The following ZNF778 variants were observed in gnomAD, a reference collection of about 807,000 sequenced individuals.
ZNF778 encodes zinc finger protein 778.
In ZNF778, 37 loss-of-function variants were observed where a neutral mutation model predicts 23.9. That is an observed-to-expected ratio of 1.54 (90% CI 1.19 to 2.03). The LOEUF (loss-of-function observed/expected upper bound fraction) is 2.03, where lower values mean the gene tolerates loss of function less well. Ranked by LOEUF, ZNF778 falls within the 30% of genes most tolerant of loss-of-function variation. The pLI is 0.00. For synonymous variants in ZNF778, 483 were observed against 343.9 expected (o/e 1.40, Z -4.48); for missense variants, 1,297 against 934.4 (o/e 1.39, Z -5.06).
intron 1 of ZNF778, among the ~76,000 whole-genome samples, chr16:89,219,672 C>T (rs1172686199): frequency 6.6e-6 from 1 of 152,258 alleles, no homozygotes; most frequent in Non-Finnish European, 1.5e-5. Flanking sequence ...GACGCTGTGT[C>T]AGTGGGTCTG....
Position 89,229,184 on chromosome 16 carries a change from C to T in ZNF778, c.*622C>T, listed in dbSNP as rs12919792. The T allele has an allele frequency of 1.0e-6, 1 of 985,872 alleles. No individual in the cohort carries two copies. The highest frequency in any genetic ancestry group is 1.2e-6 in the Non-Finnish European group (1 of 830,284). 61.1% of individuals were successfully genotyped at this position (985,872 alleles called of 1,614,324 possible). A position where few individuals can be genotyped will look rare whatever the true frequency, so the allele number is the denominator to read the frequency against. On this transcript the variant is annotated 3_prime_UTR_variant, in exon 7 of 7. Coordinates refer to ENST00000433976, the MANE Select transcript of ZNF778 (RefSeq NM_001201407.2). ...CCTGGCTAACAGTAGGCCTTGAGGA[C>T]TCAGATGTGATCCTGTGTGAGCAGT...
intron 1 of ZNF778, among the ~76,000 whole-genome samples, chr16:89,219,148 C>G (rs545911938): frequency 6.6e-5 from 10 of 152,214 alleles, no homozygotes; most frequent in African/African-American, 2.4e-4. Flanking sequence ...AGGTCATCCA[C>G]TGTCTACTTT....
chr16:89,221,168 G>T lies in ZNF778; in HGVS notation c.25+16G>T, dbSNP rs1476348467. On this transcript the variant is annotated intron_variant, in intron 2 of 6. Transcript: ENST00000433976. ...CTGGCCCACGGTAAGTCCTGGTGGG[G>T]CTCCTTCTCAGAGCCTCTGCTCTAG... The T allele has an allele frequency of 1.9e-6, 3 of 1,555,262 alleles. No individual in the cohort carries two copies. The highest frequency in any genetic ancestry group is 2.7e-5 in the African/African-American group (2 of 72,902).
intron 1 of ZNF778, among the ~76,000 whole-genome samples, chr16:89,219,114 TA>T (rs1286377235): frequency 6.7e-6 from 1 of 148,534 alleles, no homozygotes; most frequent in African/African-American, 2.4e-5. Context: ...CTCAAAAAAA[TA>T]AAAAAATAAA....
rs1018522747 is a variant in ZNF778, at chr16:89,228,677, A to G, written c.*115A>G. 1.8e-5 allele frequency: 27 copies of G among 1,476,830 alleles called. No homozygotes were observed. The South Asian group carries it at 1.9e-4, about 10-fold the overall frequency. The allele number at this position is 1,476,830 out of a possible 1,614,324, so 91.5% of individuals were successfully genotyped here. A position where few individuals can be genotyped will look rare whatever the true frequency, so the allele number is the denominator to read the frequency against. ...AATGTGGCTAGGCAATCAGCATCTC[A>G]TCACAACCCGGCAGGCAGGAACTCA... is the stretch of plus-strand genomic sequence containing the variant. On this transcript the variant is annotated 3_prime_UTR_variant, in exon 7 of 7. Transcript: ENST00000433976.
At chr16:89,224,606 G>A (rs573351459) in intron 4 of ZNF778, 113 bp from the exon 5 acceptor site, 352 of 759,788 alleles carry the variant, frequency 4.6e-4, no homozygotes, top group South Asian at 9.5e-4. Flanking sequence ...GCAACAGCGC[G>A]AGACGCTGTC....
intron 3 of ZNF778, among the ~76,000 whole-genome samples, chr16:89,222,947 G>A (rs1032067025): frequency 1.9e-5 from 2 of 105,656 alleles, no homozygotes; most frequent in South Asian, 3.3e-4. Context: ...CAGGGCACGC[G>A]TGACTGGAGG....
chr16:89,226,517 A>G (rs2031485288), intron 6 of ZNF778, among the ~76,000 whole-genome samples, 177 bp from the exon 7 acceptor site: 1 of 152,192 alleles, frequency 6.6e-6, no homozygotes, highest in African/African-American at 2.4e-5. Flanking sequence ...ATGGCACAGG[A>G]TTCTTGCAGT....
At chr16:89,222,003 T>G in intron 2 of ZNF778, 89 bp from the exon 3 acceptor site, 1 of 874,778 alleles carries the variant, frequency 1.1e-6, no homozygotes, top group Non-Finnish European at 1.8e-6. Context: ...GATAATTTCC[T>G]GCTAGGATGG....
rs1275878621 is a variant in ZNF778 at position 89,227,671 on chromosome 16, C to G, written c.1383C>G (p.Ser461=). 2.5e-6 allele frequency: 4 copies of G among 1,614,002 alleles called. No individual in the cohort carries two copies. The African/African-American group carries it at 4.0e-5, about 16-fold the overall frequency. The stretch of plus-strand genomic sequence containing the variant: ...ACTGCGGGAAAGCCTTCTGTACATC[C>G]TCGGGCCTTACTGAGCATGTAAGGA... ...CKDCGKAFCT[S]SGLTEHVRTH... is the part of the protein sequence containing the mutation. The change falls in exon 7 of 7, where the codon TCC becomes TCG. Residue 461 remains serine (S), a synonymous_variant. Transcript: ENST00000433976.
chr16:89,235,005 G>T lies in ZNF778; in HGVS notation c.*6443G>T, dbSNP rs1190261179. Reference sequence around the variant, plus strand: ...TCATCAGAAATTTCTTTTCTCCTAAGGCCTTAAATATGCTGTACTATTTTG... The same window carrying T: ...TCATCAGAAATTTCTTTTCTCCTAATGCCTTAAATATGCTGTACTATTTTG... On this transcript the variant is annotated 3_prime_UTR_variant, in exon 7 of 7. Transcript: ENST00000433976. 6.6e-6 allele frequency: 1 copy of T among 152,060 alleles called. No homozygotes were observed. The highest frequency in any genetic ancestry group is 2.4e-5 in the African/African-American group (1 of 41,366). The allele number at this position is 152,060 out of a possible 1,614,324, so 9.4% of individuals were successfully genotyped here.
chr16:89,225,935 TGAAG>T, intron 6 of ZNF778, among the ~76,000 whole-genome samples: 1 of 147,292 alleles, frequency 6.8e-6, no homozygotes. Context: ...TTTTTTGAGA[TGAAG>T]TCTCACTCCA....
chr16:89,222,241 A>G, intron 3 of ZNF778, 58 bp downstream of exon 3: 2 of 1,390,076 alleles, frequency 1.4e-6, no homozygotes, highest in South Asian at 1.3e-5. Context: ...CAGATAGACA[A>G]GTTTCTGTCT....
At chr16:89,222,370 C>T (rs989956787) in intron 3 of ZNF778, among the ~76,000 whole-genome samples, 187 bp downstream of exon 3, 1 of 148,218 alleles carries the variant, frequency 6.7e-6, no homozygotes, top group African/African-American at 2.5e-5. Context: ...TTCAGTGTTA[C>T]TTTTTTTTTT....
intron 1 of ZNF778, among the ~76,000 whole-genome samples, chr16:89,219,720 T>G (rs1354077565): frequency 6.6e-6 from 1 of 152,252 alleles, no homozygotes; most frequent in Admixed American, 6.5e-5. Context: ...AAGCTTGTCC[T>G]GCACCCTGAA....
At position 89,232,831 on chromosome 16, in the gene ZNF778, A is replaced by G. The variant is rs2031998918; in HGVS notation, c.*4269A>G. 4.7e-6 allele frequency: 6 copies of G among 1,288,894 alleles called. No homozygotes were observed. In the South Asian group the frequency reaches 6.2e-5, roughly 13 times the overall value. 79.8% of individuals were successfully genotyped at this position (1,288,894 alleles called of 1,614,324 possible). A position where few individuals can be genotyped will look rare whatever the true frequency, so the allele number is the denominator to read the frequency against. ...ATATGCAACTCAACTCACACCGTATATGCAACTCAACTCACACCGTGTATG... is the reference window on the plus strand; with the variant it reads ...ATATGCAACTCAACTCACACCGTATGTGCAACTCAACTCACACCGTGTATG... On this transcript the variant is annotated 3_prime_UTR_variant, in exon 7 of 7. Transcript: ENST00000433976.
Position 89,223,267 on chromosome 16 carries a change from G to A in ZNF778, c.228G>A (p.Glu76=). The change falls in exon 4 of 7, where the codon GAG becomes GAA. Residue 76 remains glutamate (E), a synonymous_variant. Transcript: ENST00000433976. ...LYRDVMLENY[E]NLASVGHHLF... ...GAGATGTGATGCTGGAAAACTACGA[G>A]AACCTGGCCTCAGTAGGTGAGGCTG... is the stretch of plus-strand genomic sequence containing the variant. 6.2e-7 allele frequency: 1 copy of A among 1,613,874 alleles called. No individual in the cohort carries two copies.
chr16:89,222,962 C>T (rs1312831409), intron 3 of ZNF778, among the ~76,000 whole-genome samples, 195 bp from the exon 4 acceptor site: 5 of 47,972 alleles, frequency 1.0e-4, no homozygotes, highest in East Asian at 9.3e-4. Context: ...TGGAGGAGAG[C>T]GACAGGGTGC....
Position 89,227,393 on chromosome 16 carries a change from G to T in ZNF778, c.1105G>T (p.Asp369Tyr), listed in dbSNP as rs774331126. The change falls in exon 7 of 7, where the codon GAC becomes TAC. Residue 369 changes from aspartate (D) to tyrosine (Y), a missense_variant. Physicochemically the swap from Asp to Tyr is radical, Grantham distance 160 (BLOSUM62 -3). Coordinates refer to ENST00000433976, the MANE Select transcript of ZNF778 (RefSeq NM_001201407.2). Reference sequence around the variant, plus strand: ...TGGACAGAAGCCCTATGAATGTAAGGACTGTGGGAAAGCCTGCGGTGGGTT... The same window carrying T: ...TGGACAGAAGCCCTATGAATGTAAGTACTGTGGGAAAGCCTGCGGTGGGTT... ...DPGQKPYECKDCGKACGGFYL... is the reference protein window; with the variant it reads ...DPGQKPYECKYCGKACGGFYL... 9.3e-6 allele frequency: 15 copies of T among 1,614,034 alleles called. No individual in the cohort carries two copies. In the Middle Eastern group the frequency reaches 4.9e-4, roughly 53 times the overall value.
Sources: allele counts gnomAD v4.1 joint callset (sites outside exome capture counted in the v4.1 genomes callset), GRCh38; gene constraint gnomAD v4.1.1; transcripts MANE v1.5; gene names NCBI Gene and HGNC (gene_info 2026-07-23, HGNC 2026-07-21).